Variants in AGBL4 observed in about 807,000 individuals in gnomAD.
The protein encoded by AGBL4 is AGBL carboxypeptidase 4, also known as cytosolic carboxypeptidase 6.
A neutral mutation model predicts 66.4 loss-of-function variants in AGBL4; 58 were observed. That is an observed-to-expected ratio of 0.87 (90% CI 0.71 to 1.09). The LOEUF (loss-of-function observed/expected upper bound fraction) is 1.09, where lower values mean the gene tolerates loss of function less well. AGBL4 is among the 50% of genes least tolerant of loss of function. AGBL4 has a pLI of 0.00. For synonymous variants in AGBL4, 234 were observed against 222.9 expected (o/e 1.05, Z -0.44); for missense variants, 579 against 631.0 (o/e 0.92, Z 0.88).
intron 3 of AGBL4, among the ~76,000 whole-genome samples, chr1:49,571,058 G>A (rs1644319332): frequency 6.7e-6 from 1 of 148,236 alleles, no homozygotes; most frequent in South Asian, 2.1e-4. Context: ...GGATTGCTTT[G>A]TTTATTTGGG....
chr1:49,323,069 A>C (rs1003110704), intron 3 of AGBL4, among the ~76,000 whole-genome samples: 2 of 152,192 alleles, frequency 1.3e-5, no homozygotes, highest in Non-Finnish European at 2.9e-5. Context: ...TTATGCAGTT[A>C]ACTGCTTTGT....
At position 49,147,569 on chromosome 1, in the gene AGBL4, T is replaced by C. The variant is rs540205644; in HGVS notation, c.377+98201A>G. Reference sequence around the variant, plus strand: ...GTATAAAGGTCTCTGAATTTCCACATACCTCGTAAGAGGAGAAAAGTTGCC... The same window carrying C: ...GTATAAAGGTCTCTGAATTTCCACACACCTCGTAAGAGGAGAAAAGTTGCC... On this transcript the variant is annotated intron_variant, in intron 4 of 13. Coordinates refer to ENST00000371839, the MANE Select transcript of AGBL4 (RefSeq NM_032785.4). Among the ~76,000 whole-genome samples, 12 of 152,232 alleles carry C rather than the reference T, an allele frequency of 7.9e-5. 1 individual carries two copies. In the South Asian group the frequency reaches 2.5e-3, roughly 32 times the overall value.
intron 3 of AGBL4, among the ~76,000 whole-genome samples, chr1:49,627,362 T>G (rs934919686): frequency 6.6e-6 from 1 of 152,110 alleles, no homozygotes. Context: ...AATAGTGCAG[T>G]AGGCAAAAAT....
intron 2 of AGBL4, among the ~76,000 whole-genome samples, chr1:49,753,556 T>A (rs1257912231): frequency 6.6e-6 from 1 of 152,198 alleles, no homozygotes; most frequent in East Asian, 1.9e-4. Context: ...TTGGGGTTGC[T>A]ATTCTCAAGG....
At chr1:49,101,370 T>C (rs1398131401) in intron 4 of AGBL4, among the ~76,000 whole-genome samples, 1 of 152,074 alleles carries the variant, frequency 6.6e-6, no homozygotes, top group Non-Finnish European at 1.5e-5. Flanking sequence ...GTATTTTTAA[T>C]AGAGGCAAGG....
rs1652700107 is a variant in AGBL4, at chr1:49,548,626, C to T, written c.282+148687G>A. 2.6e-5 allele frequency among the ~76,000 whole-genome samples: 4 copies of T among 152,076 alleles called. No individual in the cohort carries two copies. In the South Asian group the frequency reaches 8.3e-4, roughly 32 times the overall value. On this transcript the variant is annotated intron_variant, in intron 3 of 13. Coordinates refer to ENST00000371839, the MANE Select transcript of AGBL4 (RefSeq NM_032785.4). ...CATGCCTGAATCCCTGGTATGAAAC[C>T]CACTTGATCATGGTGGATTATCTTT...
At chr1:49,695,900 A>G (rs572682784) in intron 3 of AGBL4, among the ~76,000 whole-genome samples, 1 of 152,202 alleles carries the variant, frequency 6.6e-6, no homozygotes, top group East Asian at 1.9e-4. Context: ...CATGCCAGGA[A>G]TAATATTGTA....
intron 4 of AGBL4, among the ~76,000 whole-genome samples, chr1:49,109,864 T>C (rs550826666): frequency 1.3e-5 from 2 of 152,258 alleles, no homozygotes; most frequent in African/African-American, 2.4e-5. Flanking sequence ...TTTTAGCAAA[T>C]AGAACAATGC....
At chr1:48,931,422 G>C (rs72895632) in intron 5 of AGBL4, among the ~76,000 whole-genome samples, 22,246 of 152,110 alleles carry the variant, frequency 0.15, 2,037 homozygotes, top group African/African-American at 0.26. Context: ...GTTCAAATGT[G>C]ACCTACTTAG....
chr1:49,672,823 G>A (rs1192598163), intron 3 of AGBL4, among the ~76,000 whole-genome samples: 2 of 151,140 alleles, frequency 1.3e-5, no homozygotes, highest in African/African-American at 2.4e-5. Context: ...TAGGGGGCTG[G>A]GGCATGAAAA....
At chr1:49,715,504 T>C (rs938233632) in intron 2 of AGBL4, among the ~76,000 whole-genome samples, 4 of 152,302 alleles carry the variant, frequency 2.6e-5, no homozygotes, top group African/African-American at 9.6e-5. Flanking sequence ...CTGGGTCAAA[T>C]GGTATTCTGG....
At chr1:49,839,876 C>T (rs569046609) in intron 2 of AGBL4, among the ~76,000 whole-genome samples, 137 of 152,186 alleles carry the variant, frequency 9.0e-4, no homozygotes, top group Middle Eastern at 3.4e-3. Flanking sequence ...GGAAATTCCA[C>T]GAGGGACAAG....
chr1:49,315,709 T>C (rs1645028364), intron 3 of AGBL4, among the ~76,000 whole-genome samples: 1 of 152,026 alleles, frequency 6.6e-6, no homozygotes, highest in Admixed American at 6.6e-5. Context: ...TGGCAGTTTC[T>C]CACAAAATTA....
At chr1:49,523,748 C>T (rs1003558997) in intron 3 of AGBL4, among the ~76,000 whole-genome samples, 8 of 152,026 alleles carry the variant, frequency 5.3e-5, no homozygotes, top group African/African-American at 1.9e-4. Context: ...AGATAGTTAT[C>T]AAGCAACCAC....
chr1:48,676,688 C>T (rs1180661928), intron 6 of AGBL4, among the ~76,000 whole-genome samples: 1 of 152,138 alleles, frequency 6.6e-6, no homozygotes, highest in African/African-American at 2.4e-5. Flanking sequence ...GAAACAGGCT[C>T]CTGTGGACAG....
chr1:49,391,805 C>A (rs1644857527), intron 3 of AGBL4, among the ~76,000 whole-genome samples: 1 of 151,942 alleles, frequency 6.6e-6, no homozygotes, highest in African/African-American at 2.4e-5. Context: ...TCGTGATCTG[C>A]CCACCTTGGC....
chr1:49,023,488 C>G (rs918205719), intron 5 of AGBL4, among the ~76,000 whole-genome samples: 2 of 152,070 alleles, frequency 1.3e-5, no homozygotes, highest in Admixed American at 6.6e-5. Context: ...ATGATTTATT[C>G]AGATCTCCTA....
chr1:49,175,697 G>A (rs895167636), intron 4 of AGBL4, among the ~76,000 whole-genome samples: 1 of 152,082 alleles, frequency 6.6e-6, no homozygotes, highest in African/African-American at 2.4e-5. Flanking sequence ...TATACAATGA[G>A]ACTAAAAGAT....
intron 2 of AGBL4, among the ~76,000 whole-genome samples, chr1:49,817,501 C>T (rs1645261143): frequency 6.6e-6 from 1 of 152,128 alleles, no homozygotes; most frequent in Non-Finnish European, 1.5e-5. Flanking sequence ...ACACATAATT[C>T]TCATTCGCAA....
Sources: allele counts gnomAD v4.1 joint callset (sites outside exome capture counted in the v4.1 genomes callset), GRCh38; gene constraint gnomAD v4.1.1; transcripts MANE v1.5; gene names NCBI Gene and HGNC (gene_info 2026-07-23, HGNC 2026-07-21).